Variants in CADM1 observed in about 807,000 individuals in gnomAD.
CADM1 encodes TSLC-1.
Under a neutral mutation model 53.1 loss-of-function variants are expected in CADM1, and 15 were observed. The ratio of observed to expected loss-of-function variants is 0.28; its 90% confidence interval spans 0.19 to 0.44. The LOEUF (loss-of-function observed/expected upper bound fraction) is 0.44. CADM1 is among the 20% of genes least tolerant of loss of function. The pLI, the probability that CADM1 is intolerant of heterozygous loss-of-function variation, is 1.00. For synonymous variants in CADM1, 281 were observed against 243.0 expected, an observed-to-expected ratio of 1.16 and a Z score of -1.45; for missense variants, 434 against 611.3, an observed-to-expected ratio of 0.71 and a Z score of 3.06.
At chr11:115,466,953 A>G (rs1948911469) in intron 1 of CADM1, among the ~76,000 whole-genome samples, 1 of 152,166 alleles carries the variant, frequency 6.6e-6, no homozygotes, top group African/African-American at 2.4e-5. Context: ...GCCAACATTG[A>G]CTCGTCCTTT....
At chr11:115,411,979 C>A (rs552672253) in intron 1 of CADM1, among the ~76,000 whole-genome samples, 3 of 151,996 alleles carry the variant, frequency 2.0e-5, no homozygotes, top group Admixed American at 6.5e-5. Context: ...TTTACAAAAC[C>A]ACTAATAACA....
At position 115,176,099 on chromosome 11, in the gene CADM1, C is replaced by T. The variant is rs962987822; in HGVS notation, c.*375G>A. On this transcript the variant is annotated 3_prime_UTR_variant, in exon 12 of 12. Transcript: ENST00000331581. ...AAAATGGGAGATTTTGGAAAAAATC[C>T]GAAATTGGGGTAGAGGGAGGAAATA... 137 of 1,061,138 alleles carry T rather than the reference C, an allele frequency of 1.3e-4. No homozygotes were observed. The highest frequency in any genetic ancestry group is 1.5e-4 in the Non-Finnish European group (132 of 875,602). 65.7% of individuals were successfully genotyped at this position (1,061,138 alleles called of 1,614,324 possible).
intron 1 of CADM1, among the ~76,000 whole-genome samples, chr11:115,350,597 G>A (rs551058184): frequency 3.4e-5 from 5 of 148,590 alleles, no homozygotes; most frequent in African/African-American, 1.2e-4. Context: ...TAAGAAAATG[G>A]CTAGCTGGCT....
At chr11:115,475,423 T>C (rs1481442036) in intron 1 of CADM1, among the ~76,000 whole-genome samples, 1 of 152,154 alleles carries the variant, frequency 6.6e-6, no homozygotes, top group Non-Finnish European at 1.5e-5. Context: ...TTCTAGGCAT[T>C]TAGCCAATAG....
chr11:115,196,069 C>T (rs45617644), intron 9 of CADM1, among the ~76,000 whole-genome samples: 3,278 of 152,188 alleles, frequency 0.022, 111 homozygotes, highest in African/African-American at 0.075. Context: ...CAATAACATC[C>T]TACTGAGGTT....
chr11:115,280,150 G>C (rs1437066675), intron 1 of CADM1, among the ~76,000 whole-genome samples: 3 of 152,192 alleles, frequency 2.0e-5, no homozygotes, highest in African/African-American at 2.4e-5. Flanking sequence ...TGTTTCAAAA[G>C]TTATAAAGCA....
At chr11:115,498,511 C>T (rs887358849) in intron 1 of CADM1, among the ~76,000 whole-genome samples, 2 of 152,164 alleles carry the variant, frequency 1.3e-5, no homozygotes, top group Admixed American at 6.5e-5. Context: ...TTCCAGCGCA[C>T]GCCACAGTTG....
chr11:115,430,723 CAG>C (rs1443801152), intron 1 of CADM1, among the ~76,000 whole-genome samples: 19 of 152,074 alleles, frequency 1.2e-4, no homozygotes, highest in African/African-American at 4.3e-4. Flanking sequence ...GCCGCAGGAC[CAG>C]AGATTTGGTC....
intron 1 of CADM1, among the ~76,000 whole-genome samples, chr11:115,415,097 C>A (rs1947560268): frequency 6.6e-6 from 1 of 152,196 alleles, no homozygotes; most frequent in African/African-American, 2.4e-5. Context: ...AAATTGGTTT[C>A]AAATCCCAGT....
rs898499024 is a variant in CADM1 at position 115,255,675 on chromosome 11, A to G, written c.125-15255T>C. Among the ~76,000 whole-genome samples the G allele has an allele frequency of 1.3e-4, 20 of 152,248 alleles. 3 individuals carry two copies. Among genetic ancestry groups the G allele is most frequent in the Admixed American group, 1.2e-3 (19 of 15,290 alleles). On this transcript the variant is annotated intron_variant, in intron 1 of 11. Transcript: ENST00000331581. ...GTGTAATGGGATAAAGAAGATCATG[A>G]ATCCTAGCCACCAAATTAGGCCAGT...
At chr11:115,234,301 T>TCTGC (rs1389477467) in intron 3 of CADM1, among the ~76,000 whole-genome samples, 3 of 152,142 alleles carry the variant, frequency 2.0e-5, no homozygotes, top group Non-Finnish European at 4.4e-5. Flanking sequence ...ATCAATAACG[T>TCTGC]CTGCTGGTCC....
At chr11:115,344,301 C>G (rs1945522143) in intron 1 of CADM1, among the ~76,000 whole-genome samples, 1 of 152,110 alleles carries the variant, frequency 6.6e-6, no homozygotes, top group Admixed American at 6.6e-5. Flanking sequence ...AATCGCAGTC[C>G]CAAACTTCAA....
chr11:115,192,921 A>G (rs7101437), intron 9 of CADM1, among the ~76,000 whole-genome samples: 78,952 of 152,042 alleles, frequency 0.52, 20,930 homozygotes, highest in East Asian at 0.81. Context: ...TTACGTTCTA[A>G]AGCAGGAAGC....
At chr11:115,255,229 CA>C (rs1281517968) in intron 1 of CADM1, among the ~76,000 whole-genome samples, 1 of 152,156 alleles carries the variant, frequency 6.6e-6, no homozygotes, top group Non-Finnish European at 1.5e-5. Context: ...GAAAGACCAG[CA>C]AAGAGCTAAT....
intron 5 of CADM1, among the ~76,000 whole-genome samples, chr11:115,228,483 C>G (rs534616222): frequency 2.0e-5 from 3 of 152,296 alleles, no homozygotes; most frequent in African/African-American, 4.8e-5. Context: ...TAGCCACAAC[C>G]TTGGCATAAG....
chr11:115,304,666 G>T (rs2135144525), intron 1 of CADM1, among the ~76,000 whole-genome samples: 1 of 151,960 alleles, frequency 6.6e-6, no homozygotes, highest in East Asian at 1.9e-4. Context: ...AATCTGATTG[G>T]ATATCATACC....
intron 1 of CADM1, among the ~76,000 whole-genome samples, chr11:115,501,464 AGCT>A (rs2135447368): frequency 6.6e-6 from 1 of 152,300 alleles, no homozygotes; most frequent in Non-Finnish European, 1.5e-5. Flanking sequence ...GGGGGTGATC[AGCT>A]ACTGGTTCAC....
At chr11:115,417,047 G>T (rs964047002) in intron 1 of CADM1, among the ~76,000 whole-genome samples, 2 of 152,156 alleles carry the variant, frequency 1.3e-5, no homozygotes, top group African/African-American at 4.8e-5. Flanking sequence ...GTATAGGTGT[G>T]TTTAAGAAAC....
At chr11:115,333,594 A>C (rs1022138442) in intron 1 of CADM1, 1 of 152,144 alleles carries the variant, frequency 6.6e-6, no homozygotes, top group African/African-American at 2.4e-5. Context: ...CCTCAAAGAC[A>C]ATCTTGACCA....
Sources: gnomAD v4.1 joint callset for allele counts (sites outside exome capture counted in the v4.1 genomes callset) on GRCh38, gnomAD v4.1.1 for gene constraint, MANE v1.5 for transcripts, NCBI Gene and HGNC (gene_info 2026-07-23, HGNC 2026-07-21) for gene names.